TCF12: variants seen among roughly 807,000 people sequenced by gnomAD.
TCF12 encodes DNA-binding protein HTF4.
TCF12 carries 45 observed loss-of-function variants against 86.0 expected under a neutral mutation model. That is an observed-to-expected ratio of 0.52 (90% CI 0.41 to 0.67). The LOEUF is 0.67. TCF12 is among the 30% of genes least tolerant of loss of function. The probability of loss-of-function intolerance (pLI) is 0.00; values close to 1 mark genes in which losing one functional copy is unlikely to be tolerated. For missense variants in TCF12, 881 were observed against 859.9 expected, an observed-to-expected ratio of 1.02 and a Z score of -0.31; for synonymous variants, 330 against 299.6, an observed-to-expected ratio of 1.10 and a Z score of -1.05.
At chr15:57,031,483 A>G (rs1367727488) in intron 3 of TCF12, among the ~76,000 whole-genome samples, 1 of 152,224 alleles carries the variant, frequency 6.6e-6, no homozygotes, top group Non-Finnish European at 1.5e-5. Context: ...ATAACTCAGA[A>G]TTTAGACATG....
chr15:57,114,152 T>C (rs566331703), intron 5 of TCF12, among the ~76,000 whole-genome samples: 5 of 152,304 alleles, frequency 3.3e-5, no homozygotes, highest in African/African-American at 1.2e-4. Context: ...TAATATGTGA[T>C]TTATTACTCT....
intron 5 of TCF12, among the ~76,000 whole-genome samples, chr15:57,109,532 T>C (rs1476273267): frequency 6.6e-6 from 1 of 152,240 alleles, no homozygotes; most frequent in African/African-American, 2.4e-5. Flanking sequence ...TCTATTCTCG[T>C]CTTAATATCA....
chr15:57,267,336 A>G (rs2060917681), intron 18 of TCF12, among the ~76,000 whole-genome samples: 1 of 152,216 alleles, frequency 6.6e-6, no homozygotes. Flanking sequence ...TCTTAATATT[A>G]TTACTTTAAT....
intron 6 of TCF12, among the ~76,000 whole-genome samples, chr15:57,172,766 T>G (rs2055606623): frequency 6.6e-6 from 1 of 152,082 alleles, no homozygotes; most frequent in South Asian, 2.1e-4. Context: ...CATGTGCCTC[T>G]GAATCTAAAA....
At chr15:57,177,123 T>C (rs1281033721) in intron 6 of TCF12, among the ~76,000 whole-genome samples, 1 of 152,140 alleles carries the variant, frequency 6.6e-6, no homozygotes, top group African/African-American at 2.4e-5. Flanking sequence ...AACCATGTGA[T>C]CTAGGAAAGA....
chr15:57,117,327 C>G (rs1486062309), intron 5 of TCF12, among the ~76,000 whole-genome samples: 1 of 152,138 alleles, frequency 6.6e-6, no homozygotes, highest in African/African-American at 2.4e-5. Flanking sequence ...GCCACTGCAC[C>G]TGGCCTTCTT....
At position 57,260,651 on chromosome 15, in the gene TCF12, GATTT is replaced by G. The variant is rs577380909; in HGVS notation, c.1468-1437_1468-1434del. On this transcript the variant is annotated intron_variant, in intron 16 of 20. Transcript: ENST00000333725. ...TCCCCAGCCCGTCAAAATTCTCCTA[GATTT>G]ATTTAATCTTTAGAGTAGGCCTAAT... Among the ~76,000 whole-genome samples the G allele has an allele frequency of 2.2e-3, 337 of 152,180 alleles. 1 individual carries two copies. Among genetic ancestry groups the G allele is most frequent in the Non-Finnish European group, 3.5e-3 (239 of 67,992 alleles).
intron 13 of TCF12, among the ~76,000 whole-genome samples, chr15:57,249,441 A>G (rs1349113956): frequency 1.3e-5 from 2 of 152,034 alleles, no homozygotes; most frequent in Admixed American, 6.6e-5. Context: ...ACTGAAGTGC[A>G]TATTTTTTCT....
chr15:56,956,844 T>C (rs1292472408), intron 3 of TCF12, among the ~76,000 whole-genome samples: 6 of 152,184 alleles, frequency 3.9e-5, no homozygotes, highest in African/African-American at 1.2e-4. Context: ...ATTATGTGAC[T>C]TGTTACAATG....
Position 57,198,219 on chromosome 15 carries a change from A to G in TCF12, c.579+394A>G, listed in dbSNP as rs564759555. On this transcript the variant is annotated intron_variant, in intron 8 of 20. Coordinates refer to ENST00000333725, the MANE Select transcript of TCF12 (RefSeq NM_207037.2). ...AGAAATTTACATTTGTAATAATCCCAATGGAGCTAAAGACATTAAGATTCG... is the reference window on the plus strand; with the variant it reads ...AGAAATTTACATTTGTAATAATCCCGATGGAGCTAAAGACATTAAGATTCG... Among the ~76,000 whole-genome samples the G allele has an allele frequency of 3.9e-5, 6 of 152,284 alleles. No homozygotes were observed. In the South Asian group the frequency reaches 1.2e-3, roughly 32 times the overall value.
intron 5 of TCF12, among the ~76,000 whole-genome samples, chr15:57,152,967 T>C (rs1169539505): frequency 6.6e-6 from 1 of 152,056 alleles, no homozygotes; most frequent in Non-Finnish European, 1.5e-5. Context: ...ACACATCATG[T>C]ATAGAACAAC....
At position 57,286,709 on chromosome 15, in the gene TCF12, C is replaced by G. The variant is rs968834663; in HGVS notation, c.*564C>G. The G allele has an allele frequency of 3.1e-5, 14 of 453,810 alleles. No homozygotes were observed. The Admixed American group carries it at 3.1e-4, about 10-fold the overall frequency. 28.1% of individuals were successfully genotyped at this position (453,810 alleles called of 1,614,324 possible). A position where few individuals can be genotyped will look rare whatever the true frequency, so the allele number is the denominator to read the frequency against. ...AGGAAGGGAAAAGTCTTTTGTTGCC[C>G]TCTCCTATCCTCTTGCCATATGAAT... On this transcript the variant is annotated 3_prime_UTR_variant, in exon 21 of 21. Transcript: ENST00000333725.
At chr15:56,989,255 T>C (rs1318669830) in intron 3 of TCF12, among the ~76,000 whole-genome samples, 3 of 152,186 alleles carry the variant, frequency 2.0e-5, no homozygotes, top group African/African-American at 7.2e-5. Flanking sequence ...TAAATGGTTA[T>C]AGTTTAAATG....
intron 3 of TCF12, among the ~76,000 whole-genome samples, chr15:56,948,588 T>C (rs213167): frequency 1 from 152,177 of 152,304 alleles, 76,025 homozygotes; most frequent in Middle Eastern, 1. Flanking sequence ...GTAACAAATA[T>C]CAGTAAAGTT....
chr15:57,056,154 T>TGTGTGTGTGTG (rs1567332495), intron 3 of TCF12, among the ~76,000 whole-genome samples: 2 of 146,584 alleles, frequency 1.4e-5, no homozygotes, highest in Admixed American at 7.0e-5. Context: ...TGTGTGTGTG[T>TGTGTGTGTGTG]TTTGAGACAG....
intron 8 of TCF12, among the ~76,000 whole-genome samples, chr15:57,214,966 A>G (rs1392415699): frequency 1.3e-5 from 2 of 152,206 alleles, no homozygotes; most frequent in South Asian, 2.1e-4. Flanking sequence ...TTTTAGATCA[A>G]TAACACTATT....
At chr15:57,222,523 A>G (rs1453132388) in intron 8 of TCF12, among the ~76,000 whole-genome samples, 1 of 151,808 alleles carries the variant, frequency 6.6e-6, no homozygotes, top group African/African-American at 2.4e-5. Flanking sequence ...GTTGTAAGGT[A>G]TTAATGTGGG....
chr15:56,973,259 T>A (rs1401961146), intron 3 of TCF12, among the ~76,000 whole-genome samples: 2 of 152,106 alleles, frequency 1.3e-5, no homozygotes, highest in Non-Finnish European at 2.9e-5. Context: ...TATGTATGAG[T>A]ATGTATGCAT....
chr15:56,989,801 C>T (rs1199749817), intron 3 of TCF12, among the ~76,000 whole-genome samples: 2 of 152,106 alleles, frequency 1.3e-5, no homozygotes, highest in Admixed American at 6.5e-5. Context: ...GAAACTGTTA[C>T]ATTTGGGTGT....
Sources: gnomAD v4.1 joint callset for allele counts (sites outside exome capture counted in the v4.1 genomes callset) on GRCh38, gnomAD v4.1.1 for gene constraint, MANE v1.5 for transcripts, NCBI Gene and HGNC (gene_info 2026-07-23, HGNC 2026-07-21) for gene names.